The following DNAAF4 variants were observed in gnomAD, a reference collection of about 807,000 sequenced individuals.
DNAAF4 encodes dynein assembly factor 4, axonemal.
DNAAF4 carries 43 observed loss-of-function variants against 51.8 expected under a neutral mutation model. The ratio of observed to expected loss-of-function variants is 0.83; its 90% CI spans 0.65 to 1.07. The LOEUF (loss-of-function observed/expected upper bound fraction) is 1.07, where lower values mean the gene tolerates loss of function less well. DNAAF4 is among the 50% of genes least tolerant of loss of function. The pLI is 0.00. For missense variants in DNAAF4, 581 were observed against 493.0 expected (o/e 1.18, Z -1.69); for synonymous variants, 194 against 165.6 (o/e 1.17, Z -1.32).
rs772735619 is a variant in DNAAF4, at chr15:55,434,960, G to T, written c.992C>A (p.Ala331Asp). The T allele has an allele frequency of 1.2e-6, 2 of 1,613,058 alleles. No individual in the cohort carries two copies. The highest frequency in any genetic ancestry group is 1.7e-6 in the Non-Finnish European group (2 of 1,179,808). The stretch of plus-strand genomic sequence containing the variant: ...GTTTTTTAGTTTTAGGTGGCAAGCA[G>T]CCCGGTTCAAATACAATAGTGGCAT... The part of the protein sequence containing the change: ...NKMPLLYLNR[A>D]ACHLKLKNLH... Residue 331 changes from alanine (A) to aspartate (D), a missense_variant, in exon 8 of 10, where the codon GCT becomes GAT. Transcript: ENST00000321149.
rs34741079 is a variant in DNAAF4 at position 55,431,359 on chromosome 15, T to TAC, written c.1154-582_1154-581dup. On this transcript the variant is annotated intron_variant, in intron 9 of 9. Coordinates refer to ENST00000321149, the MANE Select transcript of DNAAF4 (RefSeq NM_130810.4). Reference sequence around the variant, plus strand: ...TTATTTCCGAGCTTAGGTGTGTGTATACACACACACACACACACACACACA... The same window carrying TAC: ...TTATTTCCGAGCTTAGGTGTGTGTATACACACACACACACACACACACACACA... Among the ~76,000 whole-genome samples, 3,610 of 149,488 alleles carry TAC rather than the reference T, an allele frequency of 0.024. 362 individuals carry two copies. In the East Asian group the frequency reaches 0.29, roughly 12 times the overall value.
intron 6 of DNAAF4, chr15:55,442,973 T>G: frequency 6.2e-7 from 1 of 1,610,800 alleles, no homozygotes; most frequent in Non-Finnish European, 8.5e-7. Flanking sequence ...TCAACGTCAT[T>G]GTAGAACATC....
At chr15:55,505,018 T>C (rs1443085239) in intron 1 of DNAAF4, among the ~76,000 whole-genome samples, 2 of 151,982 alleles carry the variant, frequency 1.3e-5, no homozygotes, top group African/African-American at 2.4e-5. Context: ...TTGCAATCTA[T>C]CCATCTGACA....
intron 5 of DNAAF4, among the ~76,000 whole-genome samples, chr15:55,454,995 A>C (rs1474288247): frequency 6.6e-6 from 1 of 150,418 alleles, no homozygotes; most frequent in African/African-American, 2.4e-5. Context: ...GATAAAGTAC[A>C]GATAAGTAAA....
At chr15:55,428,484 CTTTTTTTTTTTTTTTT>C (rs747325376), downstream of DNAAF4, among the ~76,000 whole-genome samples, 5 of 85,012 alleles carry the variant, frequency 5.9e-5, no homozygotes, top group South Asian at 4.7e-4. Context: ...TCTTTTTTTT[CTTTTTTTTTTTTTTTT>C]TTTTTTTTTT....
chr15:55,447,801 G>C (rs184074759), intron 6 of DNAAF4, among the ~76,000 whole-genome samples: 2 of 118,434 alleles, frequency 1.7e-5, no homozygotes, highest in African/African-American at 6.8e-5. Flanking sequence ...GGGGAGAGGG[G>C]AGAGGGCAGA....
intron 7 of DNAAF4, 133 bp from the exon 8 acceptor site, chr15:55,435,191 A>G: frequency 1.1e-6 from 1 of 884,000 alleles, no homozygotes; most frequent in Non-Finnish European, 1.7e-6. Context: ...CGTTGCCTGC[A>G]CTGAATCCAT....
intron 9 of DNAAF4, among the ~76,000 whole-genome samples, chr15:55,431,012 C>T (rs2057484162): frequency 6.6e-6 from 1 of 151,834 alleles, no homozygotes; most frequent in African/African-American, 2.4e-5. Flanking sequence ...CTCCTGGGTT[C>T]ACACCATTCT....
chr15:55,452,473 G>A (rs1383465506), intron 5 of DNAAF4, among the ~76,000 whole-genome samples: 1 of 151,710 alleles, frequency 6.6e-6, no homozygotes, highest in Non-Finnish European at 1.5e-5. Flanking sequence ...ATATTACAGT[G>A]ACCACTAGTT....
intron 3 of DNAAF4, among the ~76,000 whole-genome samples, chr15:55,494,579 G>T (rs2058615823): frequency 6.6e-6 from 1 of 151,170 alleles, no homozygotes; most frequent in Non-Finnish European, 1.5e-5. Context: ...GCCTGACGAA[G>T]TTTTGTATTT....
Position 55,491,058 on chromosome 15 carries a change from C to T in DNAAF4, c.405+65G>A. ...TGCTGAGGAAGTCCAGCAGCTGGAA[C>T]TCACTATCCTCACATAGTCTACTAT... On this transcript the variant is annotated intron_variant, in intron 4 of 9. Coordinates refer to ENST00000321149, the MANE Select transcript of DNAAF4 (RefSeq NM_130810.4). The T allele has an allele frequency of 3.2e-6, 5 of 1,573,772 alleles. No individual in the cohort carries two copies. The East Asian group carries it at 1.1e-4, about 35-fold the overall frequency.
At chr15:55,462,654 C>T (rs1163603787) in intron 5 of DNAAF4, among the ~76,000 whole-genome samples, 2 of 149,748 alleles carry the variant, frequency 1.3e-5, no homozygotes, top group African/African-American at 4.9e-5. Context: ...AAGAAAACTA[C>T]AGAACAATAT....
In DNAAF4 at chr15:55,430,575, A is replaced by G; in HGVS notation, c.*95T>C. On this transcript the variant is annotated 3_prime_UTR_variant, in exon 10 of 10. Transcript: ENST00000321149. ...TCAACAGAACTAAAGTACTAAACAG[A>G]AAGCGATTCTGTACAACTGGCCATA... 1 of 1,445,806 alleles carries G rather than the reference A, an allele frequency of 6.9e-7. No homozygotes were observed. Among genetic ancestry groups the G allele is most frequent in the Non-Finnish European group, 9.1e-7 (1 of 1,099,704 alleles). The allele number at this position is 1,445,806 out of a possible 1,614,324, so 89.6% of individuals were successfully genotyped here.
At chr15:55,443,262 G>T in intron 6 of DNAAF4, 1 of 1,587,074 alleles carries the variant, frequency 6.3e-7, no homozygotes, top group Non-Finnish European at 8.6e-7. Context: ...ACCTCAGCGC[G>T]GGTTGCGGCT....
intron 8 of DNAAF4, among the ~76,000 whole-genome samples, chr15:55,433,392 C>T (rs1436279147): frequency 1.3e-5 from 2 of 152,078 alleles, no homozygotes; most frequent in East Asian, 3.9e-4. Flanking sequence ...GGGCGGAGGC[C>T]CAGGCGGGCG....
In DNAAF4 at chr15:55,491,218, T is replaced by C; in HGVS notation, c.310A>G (p.Ile104Val). ...TTTGCTCTCTCTTGTGCTTGTAAAA[T>C]AGATTTTTCTCTAATTCTTTGCATC... ...EMMQRIREKS[I>V]LQAQERAKEA... Residue 104 changes from isoleucine (I) to valine (V), a missense_variant, in exon 4 of 10, where the codon ATT becomes GTT. Physicochemically the swap from Ile to Val is conservative, Grantham distance 29. Coordinates refer to ENST00000321149, the MANE Select transcript of DNAAF4 (RefSeq NM_130810.4). 8 of 1,613,746 alleles carry C rather than the reference T, an allele frequency of 5.0e-6. No homozygotes were observed. Among genetic ancestry groups the C allele is most frequent in the Non-Finnish European group, 5.9e-6 (7 of 1,179,928 alleles).
chr15:55,444,872 C>T (rs912455771), intron 6 of DNAAF4, among the ~76,000 whole-genome samples: 4 of 151,976 alleles, frequency 2.6e-5, no homozygotes, highest in Non-Finnish European at 4.4e-5. Context: ...TATAAGAATG[C>T]TTGTGATTTC....
At chr15:55,487,452 A>C (rs2058507289) in intron 4 of DNAAF4, among the ~76,000 whole-genome samples, 1 of 152,056 alleles carries the variant, frequency 6.6e-6, no homozygotes, top group African/African-American at 2.4e-5. Context: ...GGGACAAATA[A>C]GGGAATAAAA....
rs552975153 is a variant in DNAAF4, at chr15:55,498,271, G to C, written c.59C>G (p.Ser20Cys). 1 of 1,613,768 alleles carries C rather than the reference G, an allele frequency of 6.2e-7. No individual in the cohort carries two copies. The highest frequency in any genetic ancestry group is 8.5e-7 in the Non-Finnish European group (1 of 1,179,826). ...WQQTKTAVFL[S>C]LPLKGVCVRD... ...GACGCACACGCCTTTGAGGGGCAGAGACAGAAAGACCGCAGTCTTCGTCTG... is the reference window on the plus strand; with the variant it reads ...GACGCACACGCCTTTGAGGGGCAGACACAGAAAGACCGCAGTCTTCGTCTG... Residue 20 changes from serine (S) to cysteine (C), a missense_variant, in exon 2 of 10, where the codon TCT (serine) becomes TGT (cysteine). Physicochemically the swap from Ser to Cys is moderately radical, Grantham distance 112. Transcript: ENST00000321149.
Sources: allele counts gnomAD v4.1 joint callset (sites outside exome capture counted in the v4.1 genomes callset), GRCh38; gene constraint gnomAD v4.1.1; transcripts MANE v1.5; gene names NCBI Gene and HGNC (gene_info 2026-07-23, HGNC 2026-07-21).